The following SLC35F3 variants were observed in gnomAD, a reference collection of about 807,000 sequenced individuals.
The protein encoded by SLC35F3 is solute carrier family 35 member F3.
SLC35F3 carries 25 observed loss-of-function variants against 49.9 expected under a neutral mutation model. That is an observed-to-expected ratio of 0.50 (90% CI 0.37 to 0.70). SLC35F3 has a LOEUF of 0.70. SLC35F3 is among the 30% of genes least tolerant of loss of function. The pLI, the probability that SLC35F3 is intolerant of heterozygous loss-of-function variation, is 0.00. For missense variants in SLC35F3, 525 were observed against 639.8 expected (o/e 0.82, Z 1.94); for synonymous variants, 275 against 265.4 (o/e 1.04, Z -0.35).
intron 2 of SLC35F3, among the ~76,000 whole-genome samples, chr1:234,086,525 T>A (rs1468022658): frequency 6.6e-6 from 1 of 152,208 alleles, no homozygotes; most frequent in East Asian, 1.9e-4. Flanking sequence ...GACAGATGTA[T>A]TTACCTTGAG....
At chr1:234,100,583 G>T (rs1448301620) in intron 2 of SLC35F3, among the ~76,000 whole-genome samples, 1 of 152,170 alleles carries the variant, frequency 6.6e-6, no homozygotes, top group Non-Finnish European at 1.5e-5. Context: ...TCTGTTTGTG[G>T]TTATAATCAA....
At chr1:234,090,805 C>G (rs1665032080) in intron 2 of SLC35F3, among the ~76,000 whole-genome samples, 1 of 152,124 alleles carries the variant, frequency 6.6e-6, no homozygotes. Flanking sequence ...CAACTATAAG[C>G]ACCTGTTAAG....
chr1:234,128,604 A>G (rs991815888), intron 2 of SLC35F3, among the ~76,000 whole-genome samples: 1 of 152,200 alleles, frequency 6.6e-6, no homozygotes, highest in African/African-American at 2.4e-5. Flanking sequence ...AGGGAAATGC[A>G]TGAAGAGGGG....
At chr1:234,108,536 A>T (rs1419102786) in intron 2 of SLC35F3, among the ~76,000 whole-genome samples, 26 of 107,420 alleles carry the variant, frequency 2.4e-4, no homozygotes, top group African/African-American at 4.6e-4. Context: ...TATATATAAA[A>T]GATATATATT....
chr1:233,984,739 C>T (rs749891843), intron 2 of SLC35F3, among the ~76,000 whole-genome samples: 1 of 152,138 alleles, frequency 6.6e-6, no homozygotes, highest in Non-Finnish European at 1.5e-5. Context: ...AGAGTTGCGT[C>T]CTCAGTTTCC....
chr1:234,101,352 G>A (rs760842118), intron 2 of SLC35F3, among the ~76,000 whole-genome samples: 1 of 151,974 alleles, frequency 6.6e-6, no homozygotes, highest in African/African-American at 2.4e-5. Context: ...AAGAAACATG[G>A]CACCATGTTC....
rs2103000974 is a variant in SLC35F3 at position 234,324,056 on chromosome 1, A to T, written c.*813A>T. ...TATGTGTATGTCTGTGTACAAAAAA[A>T]TGACAGAGCTGATGGCCAGTGTATA... On this transcript the variant is annotated 3_prime_UTR_variant, in exon 8 of 8. Transcript: ENST00000366618. 6.6e-6 allele frequency: 1 copy of T among 152,430 alleles called. No individual in the cohort carries two copies. Among genetic ancestry groups the T allele is most frequent in the East Asian group, 1.9e-4 (1 of 5,194 alleles). 9.4% of individuals were successfully genotyped at this position (152,430 alleles called of 1,614,324 possible).
chr1:234,151,146 G>A (rs991655836), intron 2 of SLC35F3, among the ~76,000 whole-genome samples: 1 of 152,076 alleles, frequency 6.6e-6, no homozygotes, highest in African/African-American at 2.4e-5. Flanking sequence ...TCAGAATTGA[G>A]CAGGATGGGG....
intron 2 of SLC35F3, among the ~76,000 whole-genome samples, chr1:233,915,496 T>G (rs1186936002): frequency 6.6e-6 from 1 of 152,142 alleles, no homozygotes; most frequent in Non-Finnish European, 1.5e-5. Context: ...CAGTGACGTA[T>G]GTATGATTGC....
chr1:234,142,280 A>G (rs548700486), intron 2 of SLC35F3, among the ~76,000 whole-genome samples: 1 of 152,202 alleles, frequency 6.6e-6, no homozygotes. Context: ...GAAAAAAAAG[A>G]TGTTTAGACC....
intron 2 of SLC35F3, among the ~76,000 whole-genome samples, chr1:234,051,612 C>A (rs535875136): frequency 9.9e-5 from 15 of 152,234 alleles, no homozygotes; most frequent in African/African-American, 3.4e-4. Context: ...TCCTGTTTTC[C>A]TAGTTGAATA....
intron 2 of SLC35F3, among the ~76,000 whole-genome samples, chr1:234,040,903 C>T (rs1664210109): frequency 6.6e-6 from 1 of 152,226 alleles, no homozygotes; most frequent in Admixed American, 6.5e-5. Context: ...ATTAATTCAA[C>T]CAGACTCTGC....
chr1:234,095,308 G>A (rs1665100418), intron 2 of SLC35F3, among the ~76,000 whole-genome samples: 1 of 152,116 alleles, frequency 6.6e-6, no homozygotes, highest in Admixed American at 6.5e-5. Context: ...AACAGATTTG[G>A]GCCTTTGCCA....
At chr1:233,985,547 C>T (rs1402710954) in intron 2 of SLC35F3, among the ~76,000 whole-genome samples, 1 of 151,940 alleles carries the variant, frequency 6.6e-6, no homozygotes, top group East Asian at 1.9e-4. Flanking sequence ...AAAAAAATTC[C>T]ACTTTGATTC....
At chr1:234,216,274 G>A (rs1423151636) in intron 2 of SLC35F3, among the ~76,000 whole-genome samples, 1 of 152,164 alleles carries the variant, frequency 6.6e-6, no homozygotes, top group African/African-American at 2.4e-5. Flanking sequence ...GGACAGATTG[G>A]TTCTGCTCTC....
chr1:234,042,889 C>T (rs1479830029), intron 2 of SLC35F3, among the ~76,000 whole-genome samples: 5 of 152,330 alleles, frequency 3.3e-5, no homozygotes, highest in Non-Finnish European at 7.3e-5. Context: ...CGCCTTCGCT[C>T]ACCCACCTCT....
chr1:233,958,154 T>G (rs1287965935), intron 2 of SLC35F3, among the ~76,000 whole-genome samples: 14 of 152,200 alleles, frequency 9.2e-5, no homozygotes, highest in Admixed American at 9.2e-4. Flanking sequence ...CTGAGGACTC[T>G]CTTCTATTTT....
Position 234,214,060 on chromosome 1 carries a change from T to G in SLC35F3, c.284-17357T>G. The G allele has an allele frequency of 3.8e-6, 2 of 522,620 alleles. No homozygotes were observed. Among genetic ancestry groups the G allele is most frequent in the Non-Finnish European group, 2.5e-6 (1 of 404,344 alleles). 32.4% of individuals were successfully genotyped at this position (522,620 alleles called of 1,614,324 possible). On this transcript the variant is annotated intron_variant, in intron 2 of 7. Transcript: ENST00000366618. The surrounding 1 kb of genome is among the most constrained non-coding windows in gnomAD (Gnocchi z 8.0). Reference sequence around the variant, plus strand: ...TCTCCCCTCCGCAGGCGCTGGTCCTTTTAAAGGGCTTCTCAGAGAGGTGGT... The same window carrying G: ...TCTCCCCTCCGCAGGCGCTGGTCCTGTTAAAGGGCTTCTCAGAGAGGTGGT...
At chr1:234,148,208 GC>G (rs1357792971) in intron 2 of SLC35F3, among the ~76,000 whole-genome samples, 6 of 152,200 alleles carry the variant, frequency 3.9e-5, no homozygotes, top group Non-Finnish European at 7.3e-5. Context: ...AAGCGAAAAG[GC>G]AAGAGCAGGG....
Sources: allele counts gnomAD v4.1 joint callset (sites outside exome capture counted in the v4.1 genomes callset), GRCh38; gene constraint gnomAD v4.1.1; non-coding constraint Gnocchi (gnomAD v3.1); transcripts MANE v1.5; gene names NCBI Gene and HGNC (gene_info 2026-07-23, HGNC 2026-07-21).